SPHKAP: variants seen among roughly 807,000 people sequenced by gnomAD.
SPHKAP encodes A-kinase anchor protein SPHKAP.
In SPHKAP, 67 loss-of-function variants were observed where a neutral mutation model predicts 137.5. The observed-to-expected ratio is 0.49, with a 90% CI of 0.40 to 0.60. The LOEUF is 0.60. Among genes scored for constraint, SPHKAP ranks in the 20% least tolerant of loss-of-function variants. SPHKAP has a pLI of 0.00. For missense variants in SPHKAP, 2,097 were observed against 2,069.3 expected (o/e 1.01, Z -0.26); for synonymous variants, 813 against 785.3 (o/e 1.04, Z -0.59).
intron 3 of SPHKAP, among the ~76,000 whole-genome samples, chr2:228,047,872 G>A (rs917367312): frequency 2.0e-5 from 3 of 152,104 alleles, no homozygotes; most frequent in Non-Finnish European, 4.4e-5. Context: ...AAAGAAAATG[G>A]GTGTGCTCTA....
At chr2:228,062,740 A>T (rs1696695598) in intron 3 of SPHKAP, among the ~76,000 whole-genome samples, 1 of 152,234 alleles carries the variant, frequency 6.6e-6, no homozygotes. Flanking sequence ...ACAAAACAAA[A>T]TCATAATATT....
chr2:228,118,050 GA>G (rs1698771586), intron 2 of SPHKAP, among the ~76,000 whole-genome samples: 2 of 151,900 alleles, frequency 1.3e-5, no homozygotes, highest in South Asian at 4.2e-4. Flanking sequence ...TTATTGATTT[GA>G]TTTTTATCCC....
chr2:228,033,184 A>G (rs1017598284), intron 3 of SPHKAP, among the ~76,000 whole-genome samples: 1 of 152,160 alleles, frequency 6.6e-6, no homozygotes, highest in Non-Finnish European at 1.5e-5. Context: ...ATGGAGGAAG[A>G]TCTACCAAGC....
At chr2:228,058,155 C>G (rs944937586) in intron 3 of SPHKAP, among the ~76,000 whole-genome samples, 2 of 152,156 alleles carry the variant, frequency 1.3e-5, no homozygotes, top group Admixed American at 1.3e-4. Context: ...ACAAAAGCCT[C>G]CAGTTGACAT....
chr2:227,980,319 G>A lies in SPHKAP; in HGVS notation c.*1398C>T, dbSNP rs1168454694. The A allele has an allele frequency of 1.3e-5, 2 of 152,184 alleles. No individual in the cohort carries two copies. Among genetic ancestry groups the A allele is most frequent in the Admixed American group, 1.3e-4 (2 of 15,278 alleles). 9.4% of individuals were successfully genotyped at this position (152,184 alleles called of 1,614,324 possible). ...GGAAGGAAGTATGGCTTACAAGGGA[G>A]CTTTCTTTGCATTTCAAAATGTGGA... On this transcript the variant is annotated 3_prime_UTR_variant, in exon 12 of 12. Coordinates refer to ENST00000392056, the MANE Select transcript of SPHKAP (RefSeq NM_001142644.2).
At chr2:228,072,220 G>T (rs1160583369) in intron 3 of SPHKAP, among the ~76,000 whole-genome samples, 1 of 152,160 alleles carries the variant, frequency 6.6e-6, no homozygotes, top group African/African-American at 2.4e-5. Flanking sequence ...GAATTGCACT[G>T]CTGGCTTTCC....
Position 228,155,398 on chromosome 2 carries a change from A to G in SPHKAP, c.33-23313T>C, listed in dbSNP as rs141178923. Among the ~76,000 whole-genome samples the G allele has an allele frequency of 4.3e-4, 66 of 152,314 alleles. No homozygotes were observed. In the East Asian group the frequency reaches 0.011, roughly 25 times the overall value. On this transcript the variant is annotated intron_variant, in intron 1 of 11. Transcript: ENST00000392056. ...ACCTGAAGCATTATGCTCCATATAA[A>G]TCATAAAAACAGAAAAAGTTTACTC...
At chr2:228,086,052 G>T (rs1339079000) in intron 3 of SPHKAP, among the ~76,000 whole-genome samples, 1 of 151,988 alleles carries the variant, frequency 6.6e-6, no homozygotes, top group Non-Finnish European at 1.5e-5. Flanking sequence ...CCAAAGGCCA[G>T]GCATGTAATA....
intron 3 of SPHKAP, among the ~76,000 whole-genome samples, chr2:228,069,447 TTC>T (rs1696936882): frequency 1.6e-5 from 1 of 61,752 alleles, no homozygotes; most frequent in South Asian, 6.8e-4. Flanking sequence ...CTTTCTTTCT[TTC>T]TTTTTTTTTT....
At chr2:228,156,227 A>G (rs1268898814) in intron 1 of SPHKAP, among the ~76,000 whole-genome samples, 1 of 152,222 alleles carries the variant, frequency 6.6e-6, no homozygotes, top group Non-Finnish European at 1.5e-5. Flanking sequence ...AGCCACAGGA[A>G]CTGAGAGGAT....
intron 3 of SPHKAP, 25 bp from the exon 4 acceptor site, chr2:228,027,568 A>G (rs889320148): frequency 1.9e-6 from 3 of 1,612,058 alleles, no homozygotes; most frequent in Non-Finnish European, 2.5e-6. Flanking sequence ...CAAAAATAGT[A>G]CGTTAAAGTC....
chr2:228,061,324 C>T (rs1017706687), intron 3 of SPHKAP, among the ~76,000 whole-genome samples: 4 of 151,914 alleles, frequency 2.6e-5, no homozygotes, highest in African/African-American at 7.3e-5. Context: ...TGTGCAGTGG[C>T]GTGATCTCGG....
chr2:227,985,540 G>A (rs1467626566), intron 11 of SPHKAP, among the ~76,000 whole-genome samples: 1 of 152,052 alleles, frequency 6.6e-6, no homozygotes, highest in Non-Finnish European at 1.5e-5. Context: ...CACGATCTGA[G>A]TTTTTCTTTC....
Position 228,016,850 on chromosome 2 carries a change from G to A in SPHKAP, c.4004C>T (p.Pro1335Leu). The change falls in exon 7 of 12, where the codon CCT becomes CTT. Residue 1335 changes from proline to leucine, a missense_variant. Coordinates refer to ENST00000392056, the MANE Select transcript of SPHKAP (RefSeq NM_001142644.2). The part of the protein sequence containing the change: ...VDDAEEADTE[P>L]VSGGSPSQAE... ...TTGCGAGGGAGAGCCACCAGAAACA[G>A]GCTCAGTGTCAGCTTCCTCTGCATC... The A allele has an allele frequency of 3.7e-6, 6 of 1,614,030 alleles. No homozygotes were observed. The highest frequency in any genetic ancestry group is 4.2e-6 in the Non-Finnish European group (5 of 1,180,008).
chr2:228,053,435 G>A (rs1338639010), intron 3 of SPHKAP, among the ~76,000 whole-genome samples: 1 of 152,182 alleles, frequency 6.6e-6, no homozygotes, highest in East Asian at 1.9e-4. Context: ...TTTGTCCAGA[G>A]AGGAATTCTT....
chr2:228,166,838 G>A (rs577334777), intron 1 of SPHKAP, among the ~76,000 whole-genome samples: 8 of 152,240 alleles, frequency 5.3e-5, no homozygotes, highest in East Asian at 1.9e-4. Context: ...ACAGTTCTGC[G>A]GGATGTACAG....
At chr2:228,122,941 C>T (rs1231175360) in intron 2 of SPHKAP, among the ~76,000 whole-genome samples, 1 of 152,168 alleles carries the variant, frequency 6.6e-6, no homozygotes, top group African/African-American at 2.4e-5. Flanking sequence ...TACCACCACT[C>T]ATAAACATCT....
chr2:228,041,016 A>C (rs1426595401), intron 3 of SPHKAP, among the ~76,000 whole-genome samples: 3 of 152,216 alleles, frequency 2.0e-5, no homozygotes, highest in Non-Finnish European at 2.9e-5. Flanking sequence ...TCTACATTTC[A>C]CCTGCTTGGA....
chr2:228,134,429 C>G (rs989040573), intron 1 of SPHKAP, among the ~76,000 whole-genome samples: 1 of 152,112 alleles, frequency 6.6e-6, no homozygotes, highest in African/African-American at 2.4e-5. Context: ...CCTCATGGCT[C>G]TGGAAGTCAC....
Sources: allele counts gnomAD v4.1 joint callset (sites outside exome capture counted in the v4.1 genomes callset), GRCh38; gene constraint gnomAD v4.1.1; transcripts MANE v1.5; gene names NCBI Gene and HGNC (gene_info 2026-07-23, HGNC 2026-07-21).